Variants in OGFR observed in about 807,000 individuals in gnomAD.
OGFR encodes the protein protein 7-60.
Under a neutral mutation model 33.6 loss-of-function variants are expected in OGFR, and 18 were observed. The ratio of observed to expected loss-of-function variants is 0.54; its 90% confidence interval spans 0.37 to 0.80. OGFR has a LOEUF of 0.80. Among genes scored for constraint, OGFR ranks in the 30% least tolerant of loss-of-function variants. The pLI is 0.00. For synonymous variants in OGFR, 370 were observed against 400.7 expected (o/e 0.92, Z 0.91); for missense variants, 877 against 955.8 (o/e 0.92, Z 1.09).
chr20:62,812,456 C>A lies in OGFR; in HGVS notation c.841C>A (p.Arg281Ser). Residue 281 changes from arginine to serine, a missense_variant, in exon 7 of 7, where the codon CGC becomes AGC. By Grantham distance (110) the Arg-to-Ser change is moderately radical. This residue lies in a region of OGFR where 760 missense variants were observed against 736.0 expected (regional missense o/e 1.03). Transcript: ENST00000290291. ...VHFAWEHFRP[R>S]CKFVWGPQDK... ...CTTCGCCTGGGAGCACTTCCGGCCC[C>A]GCTGCAAGTTCGTCTGGGGGCCCCA... The A allele has an allele frequency of 6.3e-7, 1 of 1,581,116 alleles. No individual in the cohort carries two copies.
intron 1 of OGFR, chr20:62,806,842 C>T (rs943276748): frequency 2.6e-5 from 4 of 153,126 alleles, no homozygotes; most frequent in Admixed American, 6.5e-5. Flanking sequence ...GCCCTTTGCT[C>T]AGCCCCATGA....
Position 62,812,417 on chromosome 20 carries a change from C to A in OGFR, c.802C>A (p.Arg268Ser). The change falls in exon 7 of 7, where the codon CGC becomes AGC. Residue 268 changes from arginine (R) to serine (S), a missense_variant. Physicochemically the swap from Arg to Ser is moderately radical, Grantham distance 110. Transcript: ENST00000290291. ...MFAVRCRHQR[R>S]QLVHFAWEHF... Reference sequence around the variant, plus strand: ...CGCCGTGCGCTGCCGACACCAGCGCCGCCAGCTGGTGCACTTCGCCTGGGA... The same window carrying A: ...CGCCGTGCGCTGCCGACACCAGCGCAGCCAGCTGGTGCACTTCGCCTGGGA... The A allele has an allele frequency of 6.3e-7, 1 of 1,582,560 alleles. No individual in the cohort carries two copies. The highest frequency in any genetic ancestry group is 8.6e-7 in the Non-Finnish European group (1 of 1,165,344).
chr20:62,813,278 G>T lies in OGFR; in HGVS notation c.1663G>T (p.Ala555Ser), dbSNP rs533057882. The change falls in exon 7 of 7, where the codon GCC becomes TCC. Residue 555 changes from alanine (A) to serine (S), a missense_variant. Physicochemically the swap from Ala to Ser is moderately conservative, Grantham distance 99. Coordinates refer to ENST00000290291, the MANE Select transcript of OGFR (RefSeq NM_007346.4). ...RPAGPAGDEP[A>S]ESPSETPGPR... is the part of the protein sequence containing the mutation. ...AGCAGGACCTGCAGGGGACGAGCCA[G>T]CCGAGAGCCCATCGGAGACCCCAGG... The T allele has an allele frequency of 7.5e-6, 11 of 1,466,464 alleles. No individual in the cohort carries two copies. In the South Asian group the frequency reaches 1.2e-4, roughly 17 times the overall value. The allele number at this position is 1,466,464 out of a possible 1,614,324, so 90.8% of individuals were successfully genotyped here. A position where few individuals can be genotyped will look rare whatever the true frequency, so the allele number is the denominator to read the frequency against.
chr20:62,812,869 C>A lies in OGFR; in HGVS notation c.1254C>A (p.Ala418=). 6.2e-7 allele frequency: 1 copy of A among 1,612,620 alleles called. No homozygotes were observed. Among genetic ancestry groups the A allele is most frequent in the Non-Finnish European group, 8.5e-7 (1 of 1,179,930 alleles). Residue 418 remains alanine (A), a synonymous_variant, in exon 7 of 7, where the codon GCC becomes GCA. Transcript: ENST00000290291. ...EKIALNLEGC[A]LSQGSLRTGT... ...TCGCTCTGAATTTGGAGGGGTGTGC[C>A]CTCAGCCAGGGCAGCCTCAGGACGG...
In OGFR at chr20:62,812,565, G is replaced by C. The variant is rs376037815; in HGVS notation, c.950G>C (p.Gly317Ala). Reference sequence around the variant, plus strand: ...AAGGTGGAGGAGGAAGGAAGCCCCGGGGACCCCGACCACGAGGCCAGCACC... The same window carrying C: ...AAGGTGGAGGAGGAAGGAAGCCCCGCGGACCCCGACCACGAGGCCAGCACC... ...SRKVEEEGSP[G>A]DPDHEASTQG... Residue 317 changes from glycine to alanine, a missense_variant, in exon 7 of 7, where the codon GGG becomes GCG. By Grantham distance (60) the Gly-to-Ala change is moderately conservative. Coordinates refer to ENST00000290291, the MANE Select transcript of OGFR (RefSeq NM_007346.4). The C allele has an allele frequency of 7.6e-6, 12 of 1,580,262 alleles. No individual in the cohort carries two copies. The African/African-American group carries it at 1.5e-4, about 20-fold the overall frequency.
Position 62,809,622 on chromosome 20 carries a change from C to T in OGFR, c.357C>T (p.Asp119=), listed in dbSNP as rs11543353. The T allele has an allele frequency of 1.3e-6, 2 of 1,586,054 alleles. No individual in the cohort carries two copies. The highest frequency in any genetic ancestry group is 1.1e-5 in the South Asian group (1 of 90,890). ...AGGACATTCTTCAGAACTGGACGGA[C>T]AACTATGACCTCCTTGAGGACAATC... ...FIEDILQNWT[D]NYDLLEDNHS... Residue 119 remains aspartate, a synonymous_variant, in exon 4 of 7, where the codon GAC becomes GAT. Transcript: ENST00000290291.
At position 62,812,902 on chromosome 20, in the gene OGFR, G is replaced by A; in HGVS notation, c.1287G>A (p.Gln429=). The part of the protein sequence containing the change: ...LSQGSLRTGT[Q]EVGGQDPGEA... ...AGGGCAGCCTCAGGACGGGGACCCA[G>A]GAAGTGGGCGGTCAGGACCCTGGGG... The change falls in exon 7 of 7, where the codon CAG becomes CAA. Residue 429 remains glutamine, a synonymous_variant. Transcript: ENST00000290291. The A allele has an allele frequency of 6.2e-7, 1 of 1,612,486 alleles. No individual in the cohort carries two copies. Among genetic ancestry groups the A allele is most frequent in the Non-Finnish European group, 8.5e-7 (1 of 1,179,900 alleles).
intron 3 of OGFR, 80 bp downstream of exon 3, chr20:62,808,405 T>C (rs1990645869): frequency 3.7e-6 from 4 of 1,082,992 alleles, no homozygotes; most frequent in Non-Finnish European, 5.6e-6. Flanking sequence ...TGGTTTGGGA[T>C]GTACCCGGCG....
Position 62,812,901 on chromosome 20 carries a change from A to G in OGFR, c.1286A>G (p.Gln429Arg). Reference protein sequence around the residue: ...LSQGSLRTGTQEVGGQDPGEA... With the variant: ...LSQGSLRTGTREVGGQDPGEA... The stretch of plus-strand genomic sequence containing the variant: ...CAGGGCAGCCTCAGGACGGGGACCC[A>G]GGAAGTGGGCGGTCAGGACCCTGGG... Residue 429 changes from glutamine (Q) to arginine (R), a missense_variant, in exon 7 of 7, where the codon CAG becomes CGG. Coordinates refer to ENST00000290291, the MANE Select transcript of OGFR (RefSeq NM_007346.4). 1.2e-6 allele frequency: 2 copies of G among 1,612,486 alleles called. No individual in the cohort carries two copies. The highest frequency in any genetic ancestry group is 2.2e-5 in the East Asian group (1 of 44,858).
chr20:62,811,497 T>G lies in OGFR; in HGVS notation c.501T>G (p.Leu167=). ...GCTCCCAGGAGATCCAGGAGCGGCTTGTCCGGGCCTACGAGCTCATGCTGG... is the reference window on the plus strand; with the variant it reads ...GCTCCCAGGAGATCCAGGAGCGGCTGGTCCGGGCCTACGAGCTCATGCTGG... The part of the protein sequence containing the change: ...FKSSQEIQER[L]VRAYELMLGF... Residue 167 remains leucine (L), a synonymous_variant, in exon 6 of 7, where the codon CTT becomes CTG. Transcript: ENST00000290291. The G allele has an allele frequency of 6.2e-7, 1 of 1,610,066 alleles. No individual in the cohort carries two copies. The highest frequency in any genetic ancestry group is 1.1e-5 in the South Asian group (1 of 90,374).
chr20:62,812,142 A>T, intron 6 of OGFR, 88 bp from the exon 7 acceptor site: 1 of 1,188,924 alleles, frequency 8.4e-7, no homozygotes, highest in Non-Finnish European at 1.2e-6. Flanking sequence ...GACCTCGTGG[A>T]GCCGGGTGGG....
Position 62,809,661 on chromosome 20 carries a change from G to T in OGFR, c.396G>T (p.Gln132His), listed in dbSNP as rs1990679343. Residue 132 changes from glutamine (Q) to histidine (H), a missense_variant and splice_region_variant, in exon 4 of 7, where the codon CAG (glutamine) becomes CAT (histidine). By Grantham distance (24) the Gln-to-His change is conservative. Transcript: ENST00000290291. ...DLLEDNHSYI[Q>H]WLFPLREPGV... ...TTGAGGACAATCACTCCTACATCCA[G>T]TGGTGAGTTGGGGAGGATGGGGGGA... 1 of 1,597,214 alleles carries T rather than the reference G, an allele frequency of 6.3e-7. No homozygotes were observed.
At chr20:62,811,398 C>T in intron 5 of OGFR, 64 bp from the exon 6 acceptor site, 27 of 1,581,476 alleles carry the variant, frequency 1.7e-5, no homozygotes, top group Non-Finnish European at 2.3e-5. Flanking sequence ...CCACGGCCAC[C>T]CCCACACTCA....
At chr20:62,809,739 C>T (rs1417388033) in intron 4 of OGFR, 76 bp downstream of exon 4, 15 of 1,174,892 alleles carry the variant, frequency 1.3e-5, no homozygotes, top group South Asian at 4.9e-5. Flanking sequence ...GGAGCCCTCC[C>T]GACGCTGCTT....
rs1990551710 is a variant in OGFR, at chr20:62,805,019, A to G, written c.160A>G (p.Ser54Gly). 2 of 1,419,796 alleles carry G rather than the reference A, an allele frequency of 1.4e-6. No homozygotes were observed. The highest frequency in any genetic ancestry group is 1.8e-6 in the Non-Finnish European group (2 of 1,091,288). The allele number at this position is 1,419,796 out of a possible 1,614,324, so 87.9% of individuals were successfully genotyped here. The change falls in exon 1 of 7, where the codon AGC (serine) becomes GGC (glycine). Residue 54 changes from serine to glycine, a missense_variant. Around this residue, in one of 3 missense-constraint regions of OGFR, gnomAD observed 760 missense variants for 736.0 expected, o/e 1.03. Transcript: ENST00000290291. ...ESEEPRAARPSSFQSRMTGSR... is the reference protein window; with the variant it reads ...ESEEPRAARPGSFQSRMTGSR... Reference sequence around the variant, plus strand: ...GGAGGAGCCGCGGGCGGCGCGGCCCAGCTCGTTCCAGGTGCGGCCCCGCGG... The same window carrying G: ...GGAGGAGCCGCGGGCGGCGCGGCCCGGCTCGTTCCAGGTGCGGCCCCGCGG...
At position 62,813,086 on chromosome 20, in the gene OGFR, C is replaced by T; in HGVS notation, c.1471C>T (p.Pro491Ser). 1.3e-6 allele frequency: 2 copies of T among 1,579,136 alleles called. No homozygotes were observed. Among genetic ancestry groups the T allele is most frequent in the Non-Finnish European group, 1.7e-6 (2 of 1,162,378 alleles). ...CGGGTCCCCTGCCCCATCGGGGCAC[C>T]CCAAGGCTGGACACAGTGAGAACGG... is the stretch of plus-strand genomic sequence containing the variant. ...LAGSPAPSGH[P>S]KAGHSENGVE... is the part of the protein sequence containing the mutation. The change falls in exon 7 of 7, where the codon CCC becomes TCC. Residue 491 changes from proline (P) to serine (S), a missense_variant. Coordinates refer to ENST00000290291, the MANE Select transcript of OGFR (RefSeq NM_007346.4).
chr20:62,812,767 G>C lies in OGFR; in HGVS notation c.1152G>C (p.Lys384Asn). The C allele has an allele frequency of 6.2e-7, 1 of 1,612,080 alleles. No individual in the cohort carries two copies. Among genetic ancestry groups the C allele is most frequent in the East Asian group, 2.2e-5 (1 of 44,854 alleles). ...CCTTAAGCCCCAAAGAGAGCAAGAA[G>C]AGGAAGCTGGAGCTGAGCCGGCGGG... ...PEPLSPKESK[K>N]RKLELSRREQ... Residue 384 changes from lysine (K) to asparagine (N), a missense_variant, in exon 7 of 7, where the codon AAG (lysine) becomes AAC (asparagine). Transcript: ENST00000290291.
intron 6 of OGFR, 106 bp from the exon 7 acceptor site, chr20:62,812,124 G>A: frequency 1.1e-6 from 1 of 951,580 alleles, no homozygotes. Flanking sequence ...CGTGGGCCAG[G>A]GTGGGGAGAC....
Position 62,812,646 on chromosome 20 carries a change from GGCCCCAGCCACGGAGCGTGGA to G in OGFR, c.1039_1059del (p.Pro347_Gln353del). On this transcript the variant is annotated inframe_deletion, in exon 7 of 7. Coordinates refer to ENST00000290291, the MANE Select transcript of OGFR (RefSeq NM_007346.4). Reference sequence around the variant, plus strand: ...AAGGGTGGGGGCAGGGTGGACGAGGGGCCCCAGCCACGGAGCGTGGAGCCCCAGGATGCGGGACCCCTGGAG... The same window carrying G: ...AAGGGTGGGGGCAGGGTGGACGAGGGGCCCCAGGATGCGGGACCCCTGGAG... 1.3e-6 allele frequency: 2 copies of G among 1,560,864 alleles called. No individual in the cohort carries two copies. Among genetic ancestry groups the G allele is most frequent in the Admixed American group, 3.9e-5 (2 of 51,470 alleles).
Sources: allele counts gnomAD v4.1 joint callset, GRCh38; gene constraint gnomAD v4.1.1; regional missense constraint gnomAD v4.1.1; transcripts MANE v1.5; gene names NCBI Gene and HGNC (gene_info 2026-07-23, HGNC 2026-07-21).